Variants in FXR2 observed in about 807,000 individuals in gnomAD.
The protein encoded by FXR2 is RNA-binding protein FXR2.
In FXR2, 9 loss-of-function variants were observed where a neutral mutation model predicts 87.3. The observed-to-expected ratio is 0.10, with a 90% CI of 0.06 to 0.18. The LOEUF (loss-of-function observed/expected upper bound fraction) is 0.18, where lower values mean the gene tolerates loss of function less well. FXR2 is among the 10% of genes least tolerant of loss of function. The pLI, the probability that FXR2 is intolerant of heterozygous loss-of-function variation, is 1.00. For synonymous variants in FXR2, 331 were observed against 328.3 expected (o/e 1.01, Z -0.09); for missense variants, 661 against 893.6 (o/e 0.74, Z 3.32).
chr17:7,614,413 G>A, intron 1 of FXR2, 39 bp downstream of exon 1: 2 of 1,429,998 alleles, frequency 1.4e-6, no homozygotes, highest in Non-Finnish European at 1.9e-6. Context: ...CAGGGGAGGG[G>A]GCTAAGGACC....
intron 1 of FXR2, among the ~76,000 whole-genome samples, chr17:7,611,042 G>A (rs546595672): frequency 5.3e-4 from 80 of 152,350 alleles, no homozygotes; most frequent in African/African-American, 1.8e-3. Context: ...AGGATGCCAT[G>A]TTGATTAAGA....
intron 6 of FXR2, among the ~76,000 whole-genome samples, chr17:7,601,892 A>G (rs1263700970): frequency 1.3e-5 from 2 of 151,940 alleles, no homozygotes; most frequent in Non-Finnish European, 2.9e-5. Flanking sequence ...GCGCCACTGC[A>G]CTCTAGCCTG....
In FXR2 at chr17:7,595,107, TC is replaced by T. The variant is rs1411118823; in HGVS notation, c.832-351del. ...GCCCGGGCAACAGAGTGAGTTAGAC[TC>T]CATCTCATAAAAAAAAAAAATTAAA... On this transcript the variant is annotated intron_variant, in intron 8 of 16. Transcript: ENST00000250113. The surrounding 1 kb of genome is among the most constrained non-coding windows in gnomAD (Gnocchi z 4.7). Among the ~76,000 whole-genome samples the T allele has an allele frequency of 6.7e-6, 1 of 148,586 alleles. No individual in the cohort carries two copies. Among genetic ancestry groups the T allele is most frequent in the Non-Finnish European group, 1.5e-5 (1 of 67,444 alleles).
In FXR2 at chr17:7,594,486, G is replaced by T; in HGVS notation, c.911-139C>A. ...TCTCCTGCTTCTAGGTTTCTGATGT[G>T]TTTTTACAGGACAAAATGTTACAAT... On this transcript the variant is annotated intron_variant, in intron 9 of 16. Transcript: ENST00000250113. This position sits in a 1 kb window ranked among gnomAD's most constrained non-coding sequence, Gnocchi z 5.1. The T allele has an allele frequency of 1.5e-6, 1 of 674,530 alleles. No individual in the cohort carries two copies. Among genetic ancestry groups the T allele is most frequent in the Non-Finnish European group, 2.6e-6 (1 of 385,522 alleles). The allele number at this position is 674,530 out of a possible 1,614,324, so 41.8% of individuals were successfully genotyped here. A position where few individuals can be genotyped will look rare whatever the true frequency, so the allele number is the denominator to read the frequency against.
At position 7,593,742 on chromosome 17, in the gene FXR2, A is replaced by C; in HGVS notation, c.1108-117T>G. The C allele has an allele frequency of 1.2e-6, 1 of 847,954 alleles. No individual in the cohort carries two copies. Among genetic ancestry groups the C allele is most frequent in the Non-Finnish European group, 1.9e-6 (1 of 528,074 alleles). 52.5% of individuals were successfully genotyped at this position (847,954 alleles called of 1,614,324 possible). ...ACCTCTCAGGAATGCAGGGAGAAGGAAGACACTGGCTAAACAAGGAAAATT... is the reference window on the plus strand; with the variant it reads ...ACCTCTCAGGAATGCAGGGAGAAGGCAGACACTGGCTAAACAAGGAAAATT... On this transcript the variant is annotated intron_variant, in intron 11 of 16. Transcript: ENST00000250113. The surrounding 1 kb of genome is among the most constrained non-coding windows in gnomAD (Gnocchi z 6.1).
chr17:7,605,486 A>G (rs556777000), intron 3 of FXR2, among the ~76,000 whole-genome samples, 159 bp downstream of exon 3: 25 of 152,330 alleles, frequency 1.6e-4, no homozygotes, highest in African/African-American at 5.5e-4. Context: ...TTGGCTGATC[A>G]CAACAGTGAT....
At position 7,592,812 on chromosome 17, in the gene FXR2, T is replaced by G. The variant is rs764391742; in HGVS notation, c.1611A>C (p.Glu537Asp). The change falls in exon 14 of 17, where the codon GAA becomes GAC. Residue 537 changes from glutamate (E) to aspartate (D), a missense_variant. Physicochemically the swap from Glu to Asp is conservative, Grantham distance 45. Around this residue, in one of 3 missense-constraint regions of FXR2, gnomAD observed 409 missense variants for 432.0 expected, o/e 0.95. Coordinates refer to ENST00000250113, the MANE Select transcript of FXR2 (RefSeq NM_004860.4). This position sits in a 1 kb window ranked among gnomAD's most constrained non-coding sequence, Gnocchi z 4.8. ...GGCGCCTGGCACTTGCTGGGGGGGG[T>G]TCCCCAGGTTCTGAATCAACCGGGG... is the stretch of plus-strand genomic sequence containing the variant. ...PEPPVDSEPGEPPPASARRRR... is the reference protein window; with the variant it reads ...PEPPVDSEPGDPPPASARRRR... 6 of 1,611,944 alleles carry G rather than the reference T, an allele frequency of 3.7e-6. No individual in the cohort carries two copies. Among genetic ancestry groups the G allele is most frequent in the Non-Finnish European group, 3.4e-6 (4 of 1,179,066 alleles).
Position 7,594,984 on chromosome 17 carries a change from C to T in FXR2, c.832-227G>A, listed in dbSNP as rs542346757. Among the ~76,000 whole-genome samples, 4 of 152,136 alleles carry T rather than the reference C, an allele frequency of 2.6e-5. No homozygotes were observed. Among genetic ancestry groups the T allele is most frequent in the South Asian group, 2.1e-4 (1 of 4,820 alleles). ...CTAAAAATACAAAATTGGTGGCTCACGTCTCTAATCCCAGCTACTCCGGAG... is the reference window on the plus strand; with the variant it reads ...CTAAAAATACAAAATTGGTGGCTCATGTCTCTAATCCCAGCTACTCCGGAG... On this transcript the variant is annotated intron_variant, in intron 8 of 16. Coordinates refer to ENST00000250113, the MANE Select transcript of FXR2 (RefSeq NM_004860.4). The surrounding 1 kb of genome is among the most constrained non-coding windows in gnomAD (Gnocchi z 5.1).
rs2071924524 is a variant in FXR2 at position 7,614,556 on chromosome 17, C to G, written c.-24G>C. ...ATGGCGCCGCCACCGCCTCCGACTC[C>G]CCCGGCGGCGGCTGCAGCAGCAGTC... is the stretch of plus-strand genomic sequence containing the variant. On this transcript the variant is annotated 5_prime_UTR_variant, in exon 1 of 17. Coordinates refer to ENST00000250113, the MANE Select transcript of FXR2 (RefSeq NM_004860.4). The G allele has an allele frequency of 4.2e-6, 6 of 1,422,554 alleles. No individual in the cohort carries two copies. Among genetic ancestry groups the G allele is most frequent in the Non-Finnish European group, 5.5e-6 (6 of 1,083,082 alleles). The allele number at this position is 1,422,554 out of a possible 1,614,324, so 88.1% of individuals were successfully genotyped here.
rs1212810287 is a variant in FXR2 at position 7,593,708 on chromosome 17, CTATA to C, written c.1108-87_1108-84del. The stretch of plus-strand genomic sequence containing the variant: ...ATGCTTCTGCACCCTGACTGTCCCT[CTATA>C]TCTAACCTCTCAGGAATGCAGGGAG... On this transcript the variant is annotated intron_variant, in intron 11 of 16. Transcript: ENST00000250113. The surrounding 1 kb of genome is among the most constrained non-coding windows in gnomAD (Gnocchi z 6.1). 3.8e-5 allele frequency: 37 copies of C among 971,088 alleles called. No homozygotes were observed. The highest frequency in any genetic ancestry group is 1.3e-5 in the Non-Finnish European group (8 of 630,680). The allele number at this position is 971,088 out of a possible 1,614,324, so 60.2% of individuals were successfully genotyped here.
chr17:7,605,669 C>T lies in FXR2; in HGVS notation c.204G>A (p.Glu68=), dbSNP rs1256892419. 1.9e-6 allele frequency: 3 copies of T among 1,578,372 alleles called. No homozygotes were observed. In the East Asian group the frequency reaches 6.7e-5, roughly 35 times the overall value. ...CCTCCACTTCATCCCCTTCTGTGAT[C>T]TCCTTATTATAGTCAGCTGGAGGTG... ...RLPPPADYNK[E]ITEGDEVEVY... is the part of the protein sequence containing the mutation. Residue 68 remains glutamate (E), a synonymous_variant, in exon 3 of 17, where the codon GAG becomes GAA. Transcript: ENST00000250113.
At chr17:7,608,625 A>AAAAGAAG in intron 1 of FXR2, among the ~76,000 whole-genome samples, 1 of 151,020 alleles carries the variant, frequency 6.6e-6, no homozygotes, top group East Asian at 1.9e-4. Context: ...TCAAAAAAAA[A>AAAAGAAG]AAAAGAAGAA....
At position 7,592,002 on chromosome 17, in the gene FXR2, A is replaced by G; in HGVS notation, c.1927-77T>C. Reference sequence around the variant, plus strand: ...ATTCAGGTGGGAGACATTCCCTACCATCCAAGCCCTCCTGGCATTTGGTGA... The same window carrying G: ...ATTCAGGTGGGAGACATTCCCTACCGTCCAAGCCCTCCTGGCATTTGGTGA... On this transcript the variant is annotated intron_variant, in intron 16 of 16. Transcript: ENST00000250113. The surrounding 1 kb of genome is among the most constrained non-coding windows in gnomAD (Gnocchi z 4.8). The G allele has an allele frequency of 8.4e-7, 1 of 1,195,730 alleles. No individual in the cohort carries two copies. Among genetic ancestry groups the G allele is most frequent in the Non-Finnish European group, 1.2e-6 (1 of 843,764 alleles). The allele number at this position is 1,195,730 out of a possible 1,614,324, so 74.1% of individuals were successfully genotyped here.
chr17:7,601,168 G>T (rs1290163267), intron 7 of FXR2, among the ~76,000 whole-genome samples: 11 of 147,422 alleles, frequency 7.5e-5, no homozygotes. Flanking sequence ...GACACAGCGA[G>T]ACTCTGTCTC....
At chr17:7,596,910 G>A (rs2071712123) in intron 7 of FXR2, among the ~76,000 whole-genome samples, 1 of 152,098 alleles carries the variant, frequency 6.6e-6, no homozygotes, top group Non-Finnish European at 1.5e-5. Context: ...AGACCATCCT[G>A]CCAACATAGT....
At chr17:7,605,870 G>A in intron 2 of FXR2, 132 bp from the exon 3 acceptor site, 3 of 680,256 alleles carry the variant, frequency 4.4e-6, no homozygotes, top group Non-Finnish European at 7.9e-6. Context: ...CCCAGGCCCT[G>A]CTCCATAGTA....
chr17:7,612,679 G>A (rs1305405763), intron 1 of FXR2, among the ~76,000 whole-genome samples: 1 of 152,010 alleles, frequency 6.6e-6, no homozygotes, highest in Non-Finnish European at 1.5e-5. Context: ...GGCAAAAATG[G>A]GTAAGTATGA....
At chr17:7,601,875 C>T (rs943724332) in intron 6 of FXR2, among the ~76,000 whole-genome samples, 8 of 151,712 alleles carry the variant, frequency 5.3e-5, no homozygotes, top group East Asian at 1.9e-4. Flanking sequence ...TGCAGTGAGC[C>T]GAGACTGCGC....
At chr17:7,597,390 G>A (rs1446470986) in intron 7 of FXR2, among the ~76,000 whole-genome samples, 2 of 152,086 alleles carry the variant, frequency 1.3e-5, no homozygotes, top group East Asian at 3.8e-4. Context: ...ACTAAGTTGA[G>A]TGTTCAAAAT....
Sources: gnomAD v4.1 joint callset for allele counts (sites outside exome capture counted in the v4.1 genomes callset) on GRCh38, gnomAD v4.1.1 for gene constraint, gnomAD v4.1.1 regional missense constraint, Gnocchi (gnomAD v3.1) non-coding constraint, MANE v1.5 for transcripts, NCBI Gene and HGNC (gene_info 2026-07-23, HGNC 2026-07-21) for gene names.